CNNM2: variants seen among roughly 807,000 people sequenced by gnomAD.
CNNM2 encodes cyclin and CBS domain divalent metal cation transport mediator 2.
In CNNM2, 12 loss-of-function variants were observed where a neutral mutation model predicts 66.9. The observed-to-expected ratio is 0.18, with a 90% CI of 0.11 to 0.29. The LOEUF (loss-of-function observed/expected upper bound fraction) is 0.29. CNNM2 is among the 10% of genes least tolerant of loss of function. The pLI, the probability that CNNM2 is intolerant of heterozygous loss-of-function variation, is 1.00. For missense variants in CNNM2, 705 were observed against 1,167.7 expected (o/e 0.60, Z 5.77); for synonymous variants, 557 against 501.8 (o/e 1.11, Z -1.47).
At chr10:103,009,914 A>C (rs1275661502) in intron 1 of CNNM2, among the ~76,000 whole-genome samples, 1 of 151,330 alleles carries the variant, frequency 6.6e-6, no homozygotes, top group Non-Finnish European at 1.5e-5. Flanking sequence ...TGTGGCTGTC[A>C]CATGCAAATG....
At chr10:102,993,889 C>T (rs2063939996) in intron 1 of CNNM2, among the ~76,000 whole-genome samples, 1 of 152,110 alleles carries the variant, frequency 6.6e-6, no homozygotes, top group Admixed American at 6.6e-5. Flanking sequence ...TACTCTTTTC[C>T]TAAAGGGGCA....
At chr10:103,014,927 C>T (rs905012030) in intron 1 of CNNM2, among the ~76,000 whole-genome samples, 2 of 152,044 alleles carry the variant, frequency 1.3e-5, no homozygotes, top group African/African-American at 4.8e-5. Context: ...GACTAGAATT[C>T]CTTAAACATT....
chr10:103,012,683 A>G (rs530202935), intron 1 of CNNM2, among the ~76,000 whole-genome samples: 19 of 146,058 alleles, frequency 1.3e-4, no homozygotes, highest in African/African-American at 4.8e-4. Flanking sequence ...CTTATTGCCT[A>G]TATGAGTGAT....
At chr10:102,989,775 C>G in intron 1 of CNNM2, among the ~76,000 whole-genome samples, 1 of 151,986 alleles carries the variant, frequency 6.6e-6, no homozygotes, top group East Asian at 1.9e-4. Flanking sequence ...GCACTCCAGC[C>G]TGGGCGACAG....
chr10:102,986,522 CCTGTAATACCAGTA>C (rs1379249100), intron 1 of CNNM2, among the ~76,000 whole-genome samples: 3 of 152,052 alleles, frequency 2.0e-5, no homozygotes, highest in Admixed American at 6.6e-5. Flanking sequence ...GTGGCTCACG[CCTGTAATACCAGTA>C]CTTTGGGAGG....
intron 1 of CNNM2, among the ~76,000 whole-genome samples, chr10:103,014,011 A>G (rs565897906): frequency 6.6e-6 from 1 of 152,340 alleles, no homozygotes; most frequent in Admixed American, 6.5e-5. Flanking sequence ...AGTAAGAACC[A>G]TTCCAAATTG....
intron 1 of CNNM2, among the ~76,000 whole-genome samples, chr10:102,968,653 C>G (rs758375929): frequency 3.6e-4 from 54 of 150,828 alleles, no homozygotes; most frequent in Non-Finnish European, 7.1e-4. Context: ...CTGCCTCAGG[C>G]TGGTCAGTGG....
intron 1 of CNNM2, among the ~76,000 whole-genome samples, chr10:102,921,635 T>A (rs1741390722): frequency 6.6e-6 from 1 of 152,246 alleles, no homozygotes; most frequent in Non-Finnish European, 1.5e-5. Flanking sequence ...ACTAAGTTGT[T>A]AATTAGAGCA....
chr10:103,028,814 C>CT (rs67846722), intron 1 of CNNM2, among the ~76,000 whole-genome samples: 178 of 126,130 alleles, frequency 1.4e-3, no homozygotes, highest in African/African-American at 2.5e-3. Flanking sequence ...TTTTCTTTTT[C>CT]TTTTTTTTTT....
At chr10:102,927,592 G>A (rs1003599434) in intron 1 of CNNM2, 11 of 776,524 alleles carry the variant, frequency 1.4e-5, no homozygotes, top group Admixed American at 3.1e-5. Flanking sequence ...GTGAAACCCC[G>A]TTTCTAATAA....
intron 1 of CNNM2, among the ~76,000 whole-genome samples, chr10:102,931,633 A>G (rs983110530): frequency 1.3e-5 from 2 of 152,290 alleles, no homozygotes; most frequent in East Asian, 1.9e-4. Flanking sequence ...CTGGGATTCC[A>G]GGCGTGAGTC....
At chr10:102,957,673 T>C (rs1487963268) in intron 1 of CNNM2, among the ~76,000 whole-genome samples, 1 of 152,216 alleles carries the variant, frequency 6.6e-6, no homozygotes. Flanking sequence ...TCCTGACTTT[T>C]GTCCTTGGAA....
At chr10:103,018,935 C>A (rs1006166389) in intron 1 of CNNM2, among the ~76,000 whole-genome samples, 7 of 148,626 alleles carry the variant, frequency 4.7e-5, no homozygotes, top group African/African-American at 1.7e-4. Flanking sequence ...GGATTACAGG[C>A]GTGAGCCGCT....
chr10:102,959,618 C>G (rs534261368), intron 1 of CNNM2, among the ~76,000 whole-genome samples: 1 of 152,222 alleles, frequency 6.6e-6, no homozygotes, highest in East Asian at 1.9e-4. Flanking sequence ...GCTCTGTCAC[C>G]CAAGCTGGGG....
chr10:103,030,216 C>T (rs990429621), intron 1 of CNNM2, among the ~76,000 whole-genome samples: 1 of 151,828 alleles, frequency 6.6e-6, no homozygotes, highest in African/African-American at 2.4e-5. Context: ...GAATGCCATC[C>T]CAAAGAACTT....
chr10:102,941,507 C>G (rs1310782136), intron 1 of CNNM2, among the ~76,000 whole-genome samples: 1 of 152,200 alleles, frequency 6.6e-6, no homozygotes, highest in East Asian at 1.9e-4. Flanking sequence ...TTGGCTGCAT[C>G]TCCTACTCCT....
intron 1 of CNNM2, among the ~76,000 whole-genome samples, chr10:103,014,892 TAA>T (rs111226535): frequency 6.9e-5 from 10 of 145,738 alleles, no homozygotes; most frequent in Non-Finnish European, 9.1e-5. Context: ...ACCCTGTCTT[TAA>T]AAAAAAAAAA....
chr10:102,926,785 G>A (rs1434759758), intron 1 of CNNM2, among the ~76,000 whole-genome samples: 2 of 142,794 alleles, frequency 1.4e-5, no homozygotes, highest in East Asian at 2.1e-4. Context: ...GCACGATATC[G>A]GCTCACTGCA....
At chr10:102,944,962 G>T (rs1846557484) in intron 1 of CNNM2, among the ~76,000 whole-genome samples, 1 of 130,710 alleles carries the variant, frequency 7.7e-6, no homozygotes, top group African/African-American at 2.8e-5. Context: ...GTTAAATATG[G>T]TTTTGTTTTG....
Sources: gnomAD v4.1 joint callset for allele counts (sites outside exome capture counted in the v4.1 genomes callset) on GRCh38, gnomAD v4.1.1 for gene constraint, MANE v1.5 for transcripts, NCBI Gene and HGNC (gene_info 2026-07-23, HGNC 2026-07-21) for gene names.